MYO3A: variants seen among roughly 807,000 people sequenced by gnomAD.
MYO3A encodes myosin-IIIa.
A neutral mutation model predicts 192.7 loss-of-function variants in MYO3A; 180 were observed. The ratio of observed to expected loss-of-function variants is 0.93; its 90% CI spans 0.83 to 1.06. The LOEUF (loss-of-function observed/expected upper bound fraction) is 1.06, where lower values mean the gene tolerates loss of function less well. Among genes scored for constraint, MYO3A ranks in the 50% least tolerant of loss-of-function variants. MYO3A has a pLI of 0.00. For missense variants in MYO3A, 1,896 were observed against 1,905.0 expected, an observed-to-expected ratio of 1.00 and a Z score of 0.09; for synonymous variants, 628 against 645.3, an observed-to-expected ratio of 0.97 and a Z score of 0.41.
chr10:26,147,219 A>ACTGTGTC (rs1840519044), intron 22 of MYO3A, among the ~76,000 whole-genome samples: 3 of 152,088 alleles, frequency 2.0e-5, no homozygotes, highest in Admixed American at 6.6e-5. Flanking sequence ...CCCAAATAAA[A>ACTGTGTC]TCAGTGAGAC....
intron 6 of MYO3A, among the ~76,000 whole-genome samples, chr10:26,005,369 T>C (rs1342825552): frequency 6.6e-6 from 1 of 152,132 alleles, no homozygotes; most frequent in Non-Finnish European, 1.5e-5. Context: ...CTCCTCCAGA[T>C]TGAAGGAGAT....
At chr10:26,091,189 A>G (rs1836679121) in intron 15 of MYO3A, among the ~76,000 whole-genome samples, 1 of 152,204 alleles carries the variant, frequency 6.6e-6, no homozygotes, top group Admixed American at 6.5e-5. Context: ...GAATTAGAGC[A>G]GACGAGTATC....
At chr10:26,045,233 A>G (rs1218819989) in intron 10 of MYO3A, among the ~76,000 whole-genome samples, 2 of 152,188 alleles carry the variant, frequency 1.3e-5, no homozygotes, top group Non-Finnish European at 2.9e-5. Flanking sequence ...GTCCATGAGC[A>G]CTTGTGAGAC....
At chr10:26,186,182 T>G (rs1842856171) in intron 31 of MYO3A, among the ~76,000 whole-genome samples, 1 of 152,060 alleles carries the variant, frequency 6.6e-6, no homozygotes, top group South Asian at 2.1e-4. Flanking sequence ...ATTGGTTTCC[T>G]AAAAGGCTCT....
intron 4 of MYO3A, among the ~76,000 whole-genome samples, chr10:25,966,211 G>A (rs1218237443): frequency 1.3e-5 from 2 of 152,142 alleles, no homozygotes; most frequent in African/African-American, 4.8e-5. Context: ...ATCTTCCATA[G>A]CATGTGAAAA....
rs553728789 is a variant in MYO3A, at chr10:26,106,921, A to G, written c.1776+10239A>G. Among the ~76,000 whole-genome samples, 18 of 92,468 alleles carry G rather than the reference A, an allele frequency of 1.9e-4. No homozygotes were observed. In the South Asian group the frequency reaches 6.1e-3, roughly 31 times the overall value. 60.7% of individuals were successfully genotyped at this position (92,468 alleles called of 152,430 possible). ...TTGCATCTATATATTTAGCAATGAA[A>G]TGTATCTATTTTTTTCTTTTATATC... On this transcript the variant is annotated intron_variant, in intron 17 of 34. Coordinates refer to ENST00000642920, the MANE Select transcript of MYO3A (RefSeq NM_017433.5).
intron 15 of MYO3A, among the ~76,000 whole-genome samples, chr10:26,088,734 T>G (rs1836497494): frequency 6.6e-6 from 1 of 152,222 alleles, no homozygotes; most frequent in African/African-American, 2.4e-5. Context: ...GAAATTTAAT[T>G]AGAAGTAACT....
At chr10:26,091,401 G>A (rs541369639) in intron 15 of MYO3A, among the ~76,000 whole-genome samples, 1 of 152,198 alleles carries the variant, frequency 6.6e-6, no homozygotes, top group East Asian at 1.9e-4. Context: ...TTTTAAAAGA[G>A]GCTACTTAAT....
chr10:25,985,148 G>A (rs543872417), intron 4 of MYO3A, among the ~76,000 whole-genome samples: 12 of 148,682 alleles, frequency 8.1e-5, no homozygotes, highest in African/African-American at 3.0e-4. Context: ...TGAGGCAGGA[G>A]AATTACTTGA....
chr10:26,199,123 C>T (rs889998355), intron 32 of MYO3A, among the ~76,000 whole-genome samples: 3 of 152,180 alleles, frequency 2.0e-5, no homozygotes, highest in Non-Finnish European at 4.4e-5. Flanking sequence ...CATCTTAATG[C>T]ACCTACTTCC....
At chr10:25,946,127 T>C (rs1040271266) in intron 2 of MYO3A, among the ~76,000 whole-genome samples, 3 of 152,214 alleles carry the variant, frequency 2.0e-5, no homozygotes, top group African/African-American at 7.2e-5. Context: ...TGGCATTAAC[T>C]AAAATTACAA....
intron 31 of MYO3A, among the ~76,000 whole-genome samples, chr10:26,183,291 G>C (rs535700315): frequency 6.6e-6 from 1 of 152,190 alleles, no homozygotes; most frequent in Non-Finnish European, 1.5e-5. Flanking sequence ...TTGGGAGGCC[G>C]AGGCCGGCGG....
intron 20 of MYO3A, among the ~76,000 whole-genome samples, chr10:26,132,972 T>G (rs1186559562): frequency 1.3e-5 from 2 of 152,220 alleles, no homozygotes; most frequent in Non-Finnish European, 2.9e-5. Flanking sequence ...GAATAAAAAT[T>G]CACTTAATAT....
At position 26,193,303 on chromosome 10, in the gene MYO3A, C is replaced by T; in HGVS notation, c.4537C>T (p.Leu1513=). 1 of 1,610,644 alleles carries T rather than the reference C, an allele frequency of 6.2e-7. No individual in the cohort carries two copies. The highest frequency in any genetic ancestry group is 8.5e-7 in the Non-Finnish European group (1 of 1,177,008). The change falls in exon 32 of 35, where the codon CTA becomes TTA. Residue 1513 remains leucine, a synonymous_variant. Transcript: ENST00000642920. The part of the protein sequence containing the change: ...NNPEDSTYYY[L]LHKSIQEEKR... ...CCCTGAAGACTCCACATACTATTAT[C>T]TACTTCATGTAAGTGGCTCACTCTT... is the stretch of plus-strand genomic sequence containing the variant.
intron 10 of MYO3A, among the ~76,000 whole-genome samples, chr10:26,053,749 T>A (rs558735307): frequency 5.3e-5 from 8 of 152,024 alleles, no homozygotes; most frequent in Admixed American, 4.6e-4. Context: ...CACGTGAACC[T>A]GGGAGGTGAC....
At chr10:26,099,309 G>A (rs942736921) in intron 17 of MYO3A, among the ~76,000 whole-genome samples, 2 of 152,096 alleles carry the variant, frequency 1.3e-5, no homozygotes, top group Admixed American at 6.5e-5. Context: ...GCAGATTTTG[G>A]GCTGAGATGA....
At chr10:26,203,917 T>C (rs1843790893) in intron 34 of MYO3A, among the ~76,000 whole-genome samples, 1 of 152,210 alleles carries the variant, frequency 6.6e-6, no homozygotes, top group African/African-American at 2.4e-5. Flanking sequence ...ACCTTGCTCA[T>C]GATAGTTGAC....
At chr10:26,035,139 A>G (rs1471855914) in intron 10 of MYO3A, among the ~76,000 whole-genome samples, 2 of 152,200 alleles carry the variant, frequency 1.3e-5, no homozygotes, top group African/African-American at 4.8e-5. Context: ...GCTGGGGAAT[A>G]TAGCAAGGAT....
At chr10:26,055,125 G>A (rs1844237043) in intron 10 of MYO3A, among the ~76,000 whole-genome samples, 1 of 152,184 alleles carries the variant, frequency 6.6e-6, no homozygotes, top group South Asian at 2.1e-4. Flanking sequence ...TAGAGCTACA[G>A]CTCTCTCTTG....
Sources: gnomAD v4.1 joint callset for allele counts (sites outside exome capture counted in the v4.1 genomes callset) on GRCh38, gnomAD v4.1.1 for gene constraint, MANE v1.5 for transcripts, NCBI Gene and HGNC (gene_info 2026-07-23, HGNC 2026-07-21) for gene names.